Variants in LHFPL3 observed in about 807,000 individuals in gnomAD.
LHFPL3 encodes the protein LHFPL tetraspan subfamily member 3 protein.
LHFPL3 carries 5 observed loss-of-function variants against 19.3 expected under a neutral mutation model. The ratio of observed to expected loss-of-function variants is 0.26; its 90% CI spans 0.14 to 0.54. LHFPL3 has a LOEUF of 0.54. Among genes scored for constraint, LHFPL3 ranks in the 20% least tolerant of loss-of-function variants. The pLI is 0.94. For missense variants in LHFPL3, 249 were observed against 307.4 expected (o/e 0.81, Z 1.42); for synonymous variants, 133 against 126.2 (o/e 1.05, Z -0.36).
At chr7:104,723,938 A>G in intron 1 of LHFPL3, among the ~76,000 whole-genome samples, 1 of 152,118 alleles carries the variant, frequency 6.6e-6, no homozygotes, top group East Asian at 1.9e-4. Flanking sequence ...AATTAATCTA[A>G]TGTCCTGGTG....
chr7:104,743,014 A>G (rs1793964500), intron 2 of LHFPL3, among the ~76,000 whole-genome samples: 1 of 152,102 alleles, frequency 6.6e-6, no homozygotes, highest in Non-Finnish European at 1.5e-5. Flanking sequence ...CCAGCTACTC[A>G]GGACGCTGAG....
intron 1 of LHFPL3, among the ~76,000 whole-genome samples, chr7:104,600,947 G>A (rs565876173): frequency 2.0e-5 from 3 of 152,316 alleles, no homozygotes; most frequent in African/African-American, 7.2e-5. Flanking sequence ...GCTCACTGCA[G>A]TCTGTGAGCT....
In LHFPL3 at chr7:104,408,596, C is replaced by A. The variant is rs1791467407; in HGVS notation, c.445+79372C>A. On this transcript the variant is annotated intron_variant, in intron 1 of 2. Transcript: ENST00000424859. ...GGTAAAATCTTAAAAAGATCTTGAA[C>A]CAAAAAGGAAGCCATCTGGCCAAAT... Among the ~76,000 whole-genome samples the A allele has an allele frequency of 2.0e-5, 3 of 152,024 alleles. No individual in the cohort carries two copies. In the South Asian group the frequency reaches 6.2e-4, roughly 32 times the overall value.
chr7:104,794,990 G>A (rs1189151650), intron 2 of LHFPL3, among the ~76,000 whole-genome samples: 2 of 152,180 alleles, frequency 1.3e-5, no homozygotes, highest in Non-Finnish European at 2.9e-5. Context: ...CAACTAGGTG[G>A]TTAGCACCTG....
At chr7:104,505,196 C>A (rs1793673200) in intron 1 of LHFPL3, among the ~76,000 whole-genome samples, 1 of 152,224 alleles carries the variant, frequency 6.6e-6, no homozygotes, top group South Asian at 2.1e-4. Context: ...TATTACTTTT[C>A]TGTCCCATGG....
chr7:104,697,097 G>T (rs1391852691), intron 1 of LHFPL3, among the ~76,000 whole-genome samples: 2 of 152,122 alleles, frequency 1.3e-5, no homozygotes, highest in Non-Finnish European at 2.9e-5. Flanking sequence ...GGCATTCTGG[G>T]CACTCCATTT....
chr7:104,405,596 G>A (rs908331597), intron 1 of LHFPL3, among the ~76,000 whole-genome samples: 3 of 152,066 alleles, frequency 2.0e-5, no homozygotes, highest in Admixed American at 1.3e-4. Flanking sequence ...ACAGAGAAGG[G>A]GTAAGTAAAT....
intron 1 of LHFPL3, among the ~76,000 whole-genome samples, chr7:104,695,612 G>A (rs1325229350): frequency 6.6e-6 from 1 of 152,202 alleles, no homozygotes; most frequent in Non-Finnish European, 1.5e-5. Context: ...AGACCTGGAA[G>A]ATTTATACAT....
chr7:104,669,449 C>G, intron 1 of LHFPL3: 1 of 1,613,108 alleles, frequency 6.2e-7, no homozygotes, highest in Non-Finnish European at 8.5e-7. Context: ...GATCAAGACT[C>G]CAGATCTGCA....
At chr7:104,872,381 A>G (rs1791854564) in intron 2 of LHFPL3, among the ~76,000 whole-genome samples, 1 of 151,870 alleles carries the variant, frequency 6.6e-6, no homozygotes, top group South Asian at 2.1e-4. Context: ...ACAGTGGCTC[A>G]CGCCTGTAAT....
intron 1 of LHFPL3, among the ~76,000 whole-genome samples, chr7:104,700,473 G>A (rs1318059247): frequency 3.9e-5 from 6 of 152,302 alleles, no homozygotes; most frequent in South Asian, 4.1e-4. Flanking sequence ...CTTCCCTAGT[G>A]GGTAAGGAGT....
At chr7:104,500,324 A>G (rs1330140404) in intron 1 of LHFPL3, among the ~76,000 whole-genome samples, 2 of 147,858 alleles carry the variant, frequency 1.4e-5, no homozygotes, top group East Asian at 3.8e-4. Context: ...ATACTTTAAG[A>G]AACAAAGTTG....
At chr7:104,668,928 A>G (rs1363068995) in intron 1 of LHFPL3, 50 of 1,612,380 alleles carry the variant, frequency 3.1e-5, no homozygotes, top group Non-Finnish European at 3.9e-5. Context: ...GGCCAAAACT[A>G]GAACGACGGC....
intron 1 of LHFPL3, among the ~76,000 whole-genome samples, chr7:104,636,156 A>G (rs1439242165): frequency 6.6e-6 from 1 of 152,230 alleles, no homozygotes; most frequent in Non-Finnish European, 1.5e-5. Context: ...AAGCATAATT[A>G]TATTGGGAGG....
intron 1 of LHFPL3, among the ~76,000 whole-genome samples, chr7:104,509,746 CAAAAT>C (rs141331654): frequency 1.8e-4 from 28 of 151,716 alleles, no homozygotes; most frequent in Non-Finnish European, 3.2e-4. Context: ...TACAATAAGG[CAAAAT>C]AAAATAAAAT....
At chr7:104,376,580 T>G (rs1181929581) in intron 1 of LHFPL3, among the ~76,000 whole-genome samples, 2 of 152,208 alleles carry the variant, frequency 1.3e-5, no homozygotes, top group Non-Finnish European at 2.9e-5. Flanking sequence ...AAGATGGGCC[T>G]GAACTGGCAG....
chr7:104,345,893 G>T (rs1231141069), intron 1 of LHFPL3, among the ~76,000 whole-genome samples: 1 of 152,096 alleles, frequency 6.6e-6, no homozygotes, highest in South Asian at 2.1e-4. Context: ...CTAGTGGTCA[G>T]TTGATGCCCC....
intron 1 of LHFPL3, among the ~76,000 whole-genome samples, chr7:104,449,234 A>G (rs1020244642): frequency 1.3e-5 from 2 of 152,202 alleles, no homozygotes; most frequent in Non-Finnish European, 2.9e-5. Flanking sequence ...GGATGTAGAC[A>G]GAGTTCCTAC....
chr7:104,536,396 C>T (rs1465584893), intron 1 of LHFPL3, among the ~76,000 whole-genome samples: 1 of 152,146 alleles, frequency 6.6e-6, no homozygotes, highest in African/African-American at 2.4e-5. Flanking sequence ...ATGGTTAGCC[C>T]AGCCCACGAG....
Sources: allele counts gnomAD v4.1 joint callset (sites outside exome capture counted in the v4.1 genomes callset), GRCh38; gene constraint gnomAD v4.1.1; transcripts MANE v1.5; gene names NCBI Gene and HGNC (gene_info 2026-07-23, HGNC 2026-07-21).